BORCS5: variants seen among roughly 807,000 people sequenced by gnomAD.
The protein encoded by BORCS5 is BLOC-1 related complex subunit 5.
A neutral mutation model predicts 22.1 loss-of-function variants in BORCS5; 17 were observed. The observed-to-expected ratio is 0.77, with a 90% CI of 0.53 to 1.15. The LOEUF is 1.15. Ranked by LOEUF, BORCS5 falls within the 50% of genes most tolerant of loss-of-function variation. The pLI, the probability that BORCS5 is intolerant of heterozygous loss-of-function variation, is 0.00. For missense variants in BORCS5, 247 were observed against 253.2 expected, an observed-to-expected ratio of 0.98 and a Z score of 0.17; for synonymous variants, 117 against 99.8, an observed-to-expected ratio of 1.17 and a Z score of -1.03.
At chr12:12,444,161 T>C (rs899136401) in intron 3 of BORCS5, among the ~76,000 whole-genome samples, 5 of 152,244 alleles carry the variant, frequency 3.3e-5, no homozygotes, top group African/African-American at 1.2e-4. Context: ...TCTTCAATTA[T>C]CTCATCCTAG....
intron 2 of BORCS5, among the ~76,000 whole-genome samples, chr12:12,402,716 A>C (rs1941505944): frequency 6.6e-6 from 1 of 152,190 alleles, no homozygotes; most frequent in Non-Finnish European, 1.5e-5. Context: ...GTCACCTTCA[A>C]TTGTTCTTTA....
At chr12:12,441,338 A>T (rs544648268) in intron 3 of BORCS5, among the ~76,000 whole-genome samples, 1 of 152,298 alleles carries the variant, frequency 6.6e-6, no homozygotes, top group South Asian at 2.1e-4. Flanking sequence ...CCAGAGCCAC[A>T]CTGCCAAGGT....
At chr12:12,401,972 A>G (rs1037091654) in intron 2 of BORCS5, among the ~76,000 whole-genome samples, 1 of 151,430 alleles carries the variant, frequency 6.6e-6, no homozygotes, top group Non-Finnish European at 1.5e-5. Flanking sequence ...AGGCTGAGGC[A>G]GGAGAATGGC....
At chr12:12,453,663 T>A (rs1942952537) in intron 3 of BORCS5, among the ~76,000 whole-genome samples, 1 of 152,232 alleles carries the variant, frequency 6.6e-6, no homozygotes, top group Non-Finnish European at 1.5e-5. Flanking sequence ...TTGAATACAC[T>A]TATTTTATTA....
At chr12:12,430,698 C>T (rs915596733) in intron 2 of BORCS5, among the ~76,000 whole-genome samples, 10 of 151,978 alleles carry the variant, frequency 6.6e-5, no homozygotes, top group East Asian at 1.9e-4. Context: ...CTATGAAATT[C>T]CCCCTCTTTA....
chr12:12,453,937 T>C (rs1230541813), intron 3 of BORCS5, among the ~76,000 whole-genome samples: 1 of 152,222 alleles, frequency 6.6e-6, no homozygotes, highest in Non-Finnish European at 1.5e-5. Flanking sequence ...ATGTGATATG[T>C]GGCCCTTGTG....
intron 2 of BORCS5, among the ~76,000 whole-genome samples, chr12:12,394,659 A>G (rs1462718769): frequency 4.6e-5 from 7 of 152,074 alleles, no homozygotes; most frequent in African/African-American, 1.4e-4. Context: ...CCATCTTGCC[A>G]GGCTGATTTT....
Position 12,418,785 on chromosome 12 carries a change from C to CATAT in BORCS5, c.203-16841_203-16838dup, listed in dbSNP as rs569285353. The stretch of plus-strand genomic sequence containing the variant: ...GTAAATTGAGTCTCTAGTAGACAAG[C>CATAT]ATATAGTTGGATCAGGTTTTTAATC... On this transcript the variant is annotated intron_variant, in intron 2 of 3. Coordinates refer to ENST00000314565, the MANE Select transcript of BORCS5 (RefSeq NM_058169.6). Among the ~76,000 whole-genome samples the CATAT allele has an allele frequency of 1.9e-3, 296 of 152,256 alleles. 2 individuals carry two copies. The highest frequency in any genetic ancestry group is 6.8e-3 in the African/African-American group (284 of 41,546).
intron 2 of BORCS5, among the ~76,000 whole-genome samples, chr12:12,430,690 A>G (rs1942400428): frequency 6.6e-6 from 1 of 152,318 alleles, no homozygotes; most frequent in Middle Eastern, 3.4e-3. Context: ...AAAGTATACT[A>G]TGAAATTCCC....
intron 2 of BORCS5, among the ~76,000 whole-genome samples, chr12:12,361,901 G>A (rs61922058): frequency 0.098 from 14,905 of 152,176 alleles, 829 homozygotes; most frequent in East Asian, 0.13. Flanking sequence ...CACCCAATTA[G>A]CATATACTGT....
intron 3 of BORCS5, among the ~76,000 whole-genome samples, chr12:12,447,522 A>C (rs1208505188): frequency 6.6e-6 from 1 of 152,208 alleles, no homozygotes; most frequent in South Asian, 2.1e-4. Context: ...GCAGCCATCT[A>C]TCATCCTGCC....
chr12:12,432,983 A>G lies in BORCS5; in HGVS notation c.203-2645A>G, dbSNP rs1223267661. 6.6e-5 allele frequency among the ~76,000 whole-genome samples: 10 copies of G among 152,316 alleles called. No individual in the cohort carries two copies. In the East Asian group the frequency reaches 1.7e-3, roughly 26 times the overall value. On this transcript the variant is annotated intron_variant, in intron 2 of 3. Transcript: ENST00000314565. ...AGCATCTGACCATGGTGATGAATAC[A>G]TGAACTTGTGTATAGGAAAAAAAAC... is the stretch of plus-strand genomic sequence containing the variant.
chr12:12,431,765 C>A (rs1037387507), intron 2 of BORCS5, among the ~76,000 whole-genome samples: 1 of 150,866 alleles, frequency 6.6e-6, no homozygotes, highest in Non-Finnish European at 1.5e-5. Flanking sequence ...TGGATCTTGG[C>A]TCACTTCAGC....
intron 3 of BORCS5, among the ~76,000 whole-genome samples, chr12:12,454,856 TC>T (rs1164279918): frequency 1.3e-5 from 2 of 152,200 alleles, no homozygotes; most frequent in Non-Finnish European, 2.9e-5. Flanking sequence ...GCCATTATTA[TC>T]CCCACTTTTA....
At chr12:12,441,252 T>C (rs1473712303) in intron 3 of BORCS5, among the ~76,000 whole-genome samples, 1 of 152,192 alleles carries the variant, frequency 6.6e-6, no homozygotes, top group Non-Finnish European at 1.5e-5. Flanking sequence ...CATTGAGGGC[T>C]CAGCTGAGGC....
At chr12:12,445,496 C>CTTTTTTTT (rs5796492) in intron 3 of BORCS5, among the ~76,000 whole-genome samples, 1 of 45,774 alleles carries the variant, frequency 2.2e-5, no homozygotes, top group Non-Finnish European at 3.8e-5. Context: ...ACATGCATTG[C>CTTTTTTTT]TTTTTTTTTT....
rs1275463378 is a variant in BORCS5, at chr12:12,468,598, G to C, written c.*2822G>C. 6.6e-6 allele frequency: 1 copy of C among 152,254 alleles called. No homozygotes were observed. Among genetic ancestry groups the C allele is most frequent in the African/African-American group, 2.4e-5 (1 of 41,458 alleles). 9.4% of individuals were successfully genotyped at this position (152,254 alleles called of 1,614,324 possible). ...GATACATCTTGACTACAATGAGCGT[G>C]TTTACCTTTTGTCTCTGAGCAGTGG... is the stretch of plus-strand genomic sequence containing the variant. On this transcript the variant is annotated 3_prime_UTR_variant, in exon 4 of 4. Transcript: ENST00000314565.
Position 12,357,098 on chromosome 12 carries a change from G to T in BORCS5, c.-354G>T. 1 of 1,534,444 alleles carries T rather than the reference G, an allele frequency of 6.5e-7. No individual in the cohort carries two copies. The highest frequency in any genetic ancestry group is 2.0e-5 in the Admixed American group (1 of 50,848). ...CGCCCATCTGCGTCCCGGAAGGAGC[G>T]AGCTTGCGGAGCGTGAACCAGTGAG... On this transcript the variant is annotated 5_prime_UTR_variant, in exon 1 of 4. Transcript: ENST00000314565.
At chr12:12,461,062 G>A (rs1943094372) in intron 3 of BORCS5, among the ~76,000 whole-genome samples, 1 of 152,036 alleles carries the variant, frequency 6.6e-6, no homozygotes, top group Non-Finnish European at 1.5e-5. Flanking sequence ...CCTTTGAAAT[G>A]GACTGCCCCA....
Sources: gnomAD v4.1 joint callset for allele counts (sites outside exome capture counted in the v4.1 genomes callset) on GRCh38, gnomAD v4.1.1 for gene constraint, MANE v1.5 for transcripts, NCBI Gene and HGNC (gene_info 2026-07-23, HGNC 2026-07-21) for gene names.